The following CELF2 variants were observed in gnomAD, a reference collection of about 807,000 sequenced individuals.
The protein encoded by CELF2 is CUG triplet repeat RNA-binding protein 2.
Under a neutral mutation model 62.6 loss-of-function variants are expected in CELF2, and 8 were observed. That is an observed-to-expected ratio of 0.13 (90% confidence interval 0.07 to 0.23). CELF2 has a LOEUF of 0.23. Among genes scored for constraint, CELF2 ranks in the 10% least tolerant of loss-of-function variants. The pLI is 1.00. For missense variants in CELF2, 333 were observed against 671.0 expected (o/e 0.50, Z 5.56); for synonymous variants, 258 against 250.0 (o/e 1.03, Z -0.30).
chr10:11,289,983 C>A (rs889912763), intron 9 of CELF2, among the ~76,000 whole-genome samples: 2 of 152,142 alleles, frequency 1.3e-5, no homozygotes, highest in African/African-American at 4.8e-5. Flanking sequence ...CCTGTGAGCA[C>A]TTTGATTACC....
At chr10:10,767,101 A>C in the CELF2 span, among the ~76,000 whole-genome samples, 1 of 152,160 alleles carries the variant, frequency 6.6e-6, no homozygotes, top group Non-Finnish European at 1.5e-5. Context: ...AAATGCAGCA[A>C]TAACCCAATT....
chr10:11,197,024 GA>G (rs372325767), intron 2 of CELF2, among the ~76,000 whole-genome samples: 1,136 of 4,646 alleles, frequency 0.24, 272 homozygotes, highest in East Asian at 0.41. Context: ...AAGAAAGAAA[GA>G]AAAGAAAGAA....
chr10:10,836,514 GAA>G (rs1475941253), intron 1 of CELF2, among the ~76,000 whole-genome samples: 1 of 152,230 alleles, frequency 6.6e-6, no homozygotes, highest in Non-Finnish European at 1.5e-5. Context: ...AGATTGGACT[GAA>G]AGAGAGAGAG....
At chr10:11,323,584 T>A (rs903425999) in intron 11 of CELF2, among the ~76,000 whole-genome samples, 1 of 151,852 alleles carries the variant, frequency 6.6e-6, no homozygotes, top group African/African-American at 2.4e-5. Context: ...AGGAGGCGAG[T>A]CCCATGAGGA....
chr10:11,318,973 A>C lies in CELF2; in HGVS notation c.1097-2216A>C, dbSNP rs1311619856. The C allele has an allele frequency of 2.1e-6, 1 of 471,118 alleles. No individual in the cohort carries two copies. The allele number at this position is 471,118 out of a possible 1,614,324, so 29.2% of individuals were successfully genotyped here. A position where few individuals can be genotyped will look rare whatever the true frequency, so the allele number is the denominator to read the frequency against. ...CGATGCTGCCCACCCCTCCATGGGA[A>C]CTTGGAGGCGTCCACTGGAGACGAG... On this transcript the variant is annotated intron_variant, in intron 10 of 12. Coordinates refer to ENST00000633077, the MANE Select transcript of CELF2 (RefSeq NM_001326342.2). The surrounding 1 kb of genome is among the most constrained non-coding windows in gnomAD (Gnocchi z 5.4).
chr10:11,326,388 A>C (rs2095730129), intron 12 of CELF2, among the ~76,000 whole-genome samples: 1 of 152,254 alleles, frequency 6.6e-6, no homozygotes, highest in Non-Finnish European at 1.5e-5. Context: ...CCATGTGTTC[A>C]GGCTGCTTGC....
chr10:10,502,497 C>A, the CELF2 span, among the ~76,000 whole-genome samples: 1 of 151,946 alleles, frequency 6.6e-6, no homozygotes, highest in East Asian at 1.9e-4. Context: ...ATTGTGGTAG[C>A]TTTGTGTTTT....
intron 2 of CELF2, among the ~76,000 whole-genome samples, chr10:11,203,904 C>T (rs953389225): frequency 6.6e-6 from 1 of 152,142 alleles, no homozygotes; most frequent in Non-Finnish European, 1.5e-5. Context: ...AAACAGATTG[C>T]GGTGTTGTGT....
At chr10:11,292,018 G>GT (rs1268193593) in intron 9 of CELF2, among the ~76,000 whole-genome samples, 2 of 152,148 alleles carry the variant, frequency 1.3e-5, no homozygotes, top group Non-Finnish European at 2.9e-5. Flanking sequence ...AAATGCTTCT[G>GT]TAAGTGCAGA....
At chr10:11,109,679 C>G (rs1339996396) in intron 1 of CELF2, among the ~76,000 whole-genome samples, 2 of 152,164 alleles carry the variant, frequency 1.3e-5, no homozygotes, top group African/African-American at 2.4e-5. Flanking sequence ...TTTTTTCAGT[C>G]TCTCTACCCC....
intron 2 of CELF2, among the ~76,000 whole-genome samples, chr10:11,179,319 A>C (rs1415027169): frequency 6.6e-6 from 1 of 152,174 alleles, no homozygotes; most frequent in Non-Finnish European, 1.5e-5. Flanking sequence ...CACTTTGAAA[A>C]TCTTTTAGAA....
At chr10:10,774,209 G>A in the CELF2 span, among the ~76,000 whole-genome samples, 2 of 152,194 alleles carry the variant, frequency 1.3e-5, no homozygotes, top group Non-Finnish European at 2.9e-5. Flanking sequence ...TTCCAAACAC[G>A]AGAGATGGGG....
the CELF2 span, among the ~76,000 whole-genome samples, chr10:10,552,363 A>G: frequency 9.2e-5 from 14 of 152,332 alleles, no homozygotes; most frequent in East Asian, 2.5e-3. Flanking sequence ...AAAGAAACAC[A>G]TAGTATCTGT....
At chr10:11,273,976 C>A (rs371736148) in intron 7 of CELF2, among the ~76,000 whole-genome samples, 4 of 145,428 alleles carry the variant, frequency 2.8e-5, no homozygotes, top group East Asian at 2.0e-4. Flanking sequence ...CCACCCCCCC[C>A]CCCCACCTTG....
At chr10:11,199,912 C>G (rs1397685040) in intron 2 of CELF2, among the ~76,000 whole-genome samples, 3 of 152,102 alleles carry the variant, frequency 2.0e-5, no homozygotes, top group Admixed American at 6.6e-5. Flanking sequence ...ATTTCTCACC[C>G]GGGAGTTTTC....
intron 1 of CELF2, among the ~76,000 whole-genome samples, chr10:11,155,396 A>G (rs1330981126): frequency 6.6e-6 from 1 of 152,152 alleles, no homozygotes; most frequent in Non-Finnish European, 1.5e-5. Context: ...CCTATTGCAG[A>G]GCCTCCCTTT....
intron 2 of CELF2, among the ~76,000 whole-genome samples, chr10:11,181,068 C>T (rs1217916450): frequency 1.3e-5 from 2 of 152,148 alleles, no homozygotes; most frequent in Admixed American, 1.3e-4. Flanking sequence ...TGGGGTTTTG[C>T]CATGTTGGCC....
In CELF2 at chr10:10,983,174, CAT is replaced by C. The variant is rs2052350945; in HGVS notation, c.89+63177_89+63178del. Among the ~76,000 whole-genome samples, 1 of 151,820 alleles carries C rather than the reference CAT, an allele frequency of 6.6e-6. No individual in the cohort carries two copies. The highest frequency in any genetic ancestry group is 1.5e-5 in the Non-Finnish European group (1 of 67,988). ...ATTTTTCAGAAGGCAAGTTCAGACA[CAT>C]AGGTTTATACAAGATGAAAATATTA... On this transcript the variant is annotated intron_variant, in intron 2 of 13. Coordinates refer to the CELF2 transcript ENST00000636488. This position sits in a 1 kb window ranked among gnomAD's most constrained non-coding sequence, Gnocchi z 5.2.
chr10:10,562,200 C>A, the CELF2 span, among the ~76,000 whole-genome samples: 1 of 152,158 alleles, frequency 6.6e-6, no homozygotes, highest in Non-Finnish European at 1.5e-5. Context: ...AACACACACA[C>A]CCTCTGGCAA....
Sources: allele counts gnomAD v4.1 joint callset (sites outside exome capture counted in the v4.1 genomes callset), GRCh38; gene constraint gnomAD v4.1.1; non-coding constraint Gnocchi (gnomAD v3.1); transcripts MANE v1.5; gene names NCBI Gene and HGNC (gene_info 2026-07-23, HGNC 2026-07-21).